Variants in PICALM observed in about 807,000 individuals in gnomAD.
The protein encoded by PICALM is phosphatidylinositol binding clathrin assembly protein, also known as phosphatidylinositol-binding clathrin assembly protein.
In PICALM, 40 loss-of-function variants were observed where a neutral mutation model predicts 80.5. The observed-to-expected ratio is 0.50, with a 90% CI of 0.39 to 0.65. The LOEUF (loss-of-function observed/expected upper bound fraction) is 0.65, where lower values mean the gene tolerates loss of function less well. PICALM is among the 30% of genes least tolerant of loss of function. The pLI, the probability that PICALM is intolerant of heterozygous loss-of-function variation, is 0.00. For synonymous variants in PICALM, 288 were observed against 260.3 expected (o/e 1.11, Z -1.02); for missense variants, 676 against 778.9 (o/e 0.87, Z 1.57).
intron 4 of PICALM, among the ~76,000 whole-genome samples, chr11:86,015,441 C>G (rs1785503854): frequency 6.6e-6 from 1 of 152,168 alleles, no homozygotes; most frequent in Non-Finnish European, 1.5e-5. Context: ...CATGACCCAA[C>G]AGCAATGGCT....
Position 85,981,962 on chromosome 11 carries a change from A to C in PICALM, c.1558T>G (p.Ser520Ala), listed in dbSNP as rs2094453492. ...LGGLLKPTVA[S>A]QNQNLPVAKL... ...GCAACAGGAAGGTTCTGGTTCTGAG[A>C]GGCCACTGTTGGTTTGAGAAGTCCA... Residue 520 changes from serine to alanine, a missense_variant, in exon 15 of 20, where the codon TCT becomes GCT. By Grantham distance (99) the Ser-to-Ala change is moderately conservative. Transcript: ENST00000393346. 3 of 1,612,950 alleles carry C rather than the reference A, an allele frequency of 1.9e-6. No homozygotes were observed. Among genetic ancestry groups the C allele is most frequent in the Non-Finnish European group, 2.5e-6 (3 of 1,178,858 alleles).
intron 7 of PICALM, among the ~76,000 whole-genome samples, chr11:86,008,237 T>C (rs139474336): frequency 6.6e-6 from 1 of 152,302 alleles, no homozygotes; most frequent in Non-Finnish European, 1.5e-5. Flanking sequence ...TAGAAAACTA[T>C]TTTCTGTCCC....
intron 1 of PICALM, among the ~76,000 whole-genome samples, chr11:86,048,607 G>A (rs1354302988): frequency 6.6e-6 from 1 of 151,880 alleles, no homozygotes; most frequent in African/African-American, 2.4e-5. Context: ...GCTGAGGCGG[G>A]CAGATCACAA....
rs574632438 is a variant in PICALM, at chr11:86,036,667, C to A, written c.131-5056G>T. Among the ~76,000 whole-genome samples the A allele has an allele frequency of 2.0e-5, 3 of 152,224 alleles. No homozygotes were observed. The East Asian group carries it at 5.8e-4, about 29-fold the overall frequency. On this transcript the variant is annotated intron_variant, in intron 1 of 19. Coordinates refer to ENST00000393346, the MANE Select transcript of PICALM (RefSeq NM_007166.4). ...AGAGTGAAGAGTTAATCAAATGACACTACAGTCTGACTATGAAATACTATG... is the reference window on the plus strand; with the variant it reads ...AGAGTGAAGAGTTAATCAAATGACAATACAGTCTGACTATGAAATACTATG...
intron 1 of PICALM, among the ~76,000 whole-genome samples, chr11:86,039,676 G>A (rs1226648291): frequency 1.3e-5 from 2 of 152,084 alleles, no homozygotes; most frequent in Non-Finnish European, 2.9e-5. Context: ...ATTTAACAGA[G>A]GTAAGTATTC....
intron 7 of PICALM, among the ~76,000 whole-genome samples, chr11:86,009,970 T>G (rs926214804): frequency 3.9e-5 from 6 of 152,220 alleles, no homozygotes; most frequent in African/African-American, 1.4e-4. Flanking sequence ...CATCCTGTTC[T>G]GTCCTATTGC....
At position 86,068,835 on chromosome 11, in the gene PICALM, C is replaced by A; in HGVS notation, c.-55G>T. On this transcript the variant is annotated 5_prime_UTR_variant, in exon 1 of 20. Transcript: ENST00000393346. Reference sequence around the variant, plus strand: ...TCAGCAGCCGGCGGGGACTGGGACCCCCAAGAGCCGGAGGGTCCCCACCCC... The same window carrying A: ...TCAGCAGCCGGCGGGGACTGGGACCACCAAGAGCCGGAGGGTCCCCACCCC... 1 of 1,531,794 alleles carries A rather than the reference C, an allele frequency of 6.5e-7. No homozygotes were observed. The highest frequency in any genetic ancestry group is 2.4e-5 in the East Asian group (1 of 41,442). The allele number at this position is 1,531,794 out of a possible 1,614,324, so 94.9% of individuals were successfully genotyped here.
At chr11:86,066,738 C>T (rs1284269264) in intron 1 of PICALM, among the ~76,000 whole-genome samples, 1 of 149,152 alleles carries the variant, frequency 6.7e-6, no homozygotes, top group Admixed American at 6.6e-5. Context: ...TTTCTTCATA[C>T]TCCCATACAA....
At chr11:85,970,324 G>A (rs2094058699) in intron 19 of PICALM, among the ~76,000 whole-genome samples, 1 of 152,174 alleles carries the variant, frequency 6.6e-6, no homozygotes, top group South Asian at 2.1e-4. Flanking sequence ...CCCACTTTAT[G>A]GCAGGTGAAG....
chr11:85,976,912 T>C (rs2094301234), intron 17 of PICALM: 1 of 369,096 alleles, frequency 2.7e-6, no homozygotes, highest in Non-Finnish European at 5.0e-6. Flanking sequence ...TAAACTTAGA[T>C]ACAGCAGTGA....
chr11:85,983,763 C>A (rs761846684), intron 14 of PICALM, 103 bp downstream of exon 14: 1 of 523,146 alleles, frequency 1.9e-6, no homozygotes, highest in Non-Finnish European at 3.4e-6. Context: ...TTTGGCTACC[C>A]CAGTTTAATA....
chr11:86,022,301 G>GT (rs2095577880), intron 4 of PICALM, 66 bp downstream of exon 4: 3 of 857,296 alleles, frequency 3.5e-6, no homozygotes. Context: ...TCATAATCTA[G>GT]TAACTCCTAT....
rs1252194472 is a variant in PICALM, at chr11:85,996,945, G to A, written c.1155-16C>T. 6.4e-7 allele frequency: 1 copy of A among 1,572,790 alleles called. No homozygotes were observed. The highest frequency in any genetic ancestry group is 1.1e-5 in the South Asian group (1 of 88,622). ...CTTTGATGTGCTAGAAAGATATTTTGGAAACGTGTTTTATTTACCAGAAAA... is the reference window on the plus strand; with the variant it reads ...CTTTGATGTGCTAGAAAGATATTTTAGAAACGTGTTTTATTTACCAGAAAA... On this transcript the variant is annotated splice_polypyrimidine_tract_variant and intron_variant, in intron 11 of 19. Transcript: ENST00000393346.
At chr11:86,046,659 A>G (rs2096075809) in intron 1 of PICALM, among the ~76,000 whole-genome samples, 2 of 152,210 alleles carry the variant, frequency 1.3e-5, no homozygotes, top group Admixed American at 1.3e-4. Context: ...AAGTGTTACC[A>G]TAGATCCTTG....
intron 19 of PICALM, chr11:85,960,637 G>T: frequency 3.6e-6 from 3 of 841,750 alleles, no homozygotes; most frequent in Non-Finnish European, 5.2e-6. Flanking sequence ...TTGTTTTTAA[G>T]TATTTAAGTC....
At chr11:85,972,754 T>C (rs992516123) in intron 19 of PICALM, among the ~76,000 whole-genome samples, 2 of 152,100 alleles carry the variant, frequency 1.3e-5, no homozygotes, top group Admixed American at 6.5e-5. Context: ...TGTACCAAAA[T>C]AATAATAATA....
chr11:86,016,691 A>G (rs1218217045), intron 4 of PICALM, among the ~76,000 whole-genome samples: 1 of 152,184 alleles, frequency 6.6e-6, no homozygotes, highest in African/African-American at 2.4e-5. Flanking sequence ...TGGCAAAACT[A>G]TAAACTCATG....
At chr11:86,031,680 C>A in intron 1 of PICALM, 69 bp from the exon 2 acceptor site, 2 of 1,124,884 alleles carry the variant, frequency 1.8e-6, no homozygotes, top group Non-Finnish European at 1.3e-6. Context: ...ACCAGATCTG[C>A]ATACAAACAG....
chr11:85,960,609 G>T, intron 19 of PICALM: 1 of 628,728 alleles, frequency 1.6e-6, no homozygotes, highest in Non-Finnish European at 2.6e-6. Context: ...AGCGTGAATT[G>T]TGTTTAATGT....
Sources: allele counts gnomAD v4.1 joint callset (sites outside exome capture counted in the v4.1 genomes callset), GRCh38; gene constraint gnomAD v4.1.1; transcripts MANE v1.5; gene names NCBI Gene and HGNC (gene_info 2026-07-23, HGNC 2026-07-21).